CTIF: variants seen among roughly 807,000 people sequenced by gnomAD.
CTIF encodes the protein cap binding complex dependent translation initiation factor.
A neutral mutation model predicts 66.0 loss-of-function variants in CTIF; 21 were observed. The observed-to-expected ratio is 0.32, with a 90% CI of 0.23 to 0.46. The LOEUF is 0.46. CTIF is among the 20% of genes least tolerant of loss of function. The probability of loss-of-function intolerance (pLI) is 1.00; values close to 1 mark genes in which losing one functional copy is unlikely to be tolerated. For synonymous variants in CTIF, 345 were observed against 326.4 expected, an observed-to-expected ratio of 1.06 and a Z score of -0.62; for missense variants, 739 against 812.7, an observed-to-expected ratio of 0.91 and a Z score of 1.10.
chr18:48,633,624 C>A (rs911163567), intron 2 of CTIF, among the ~76,000 whole-genome samples: 7 of 151,960 alleles, frequency 4.6e-5, no homozygotes, highest in African/African-American at 1.7e-4. Flanking sequence ...ATCGCTTGAA[C>A]CTGGGAGGTG....
At chr18:48,680,400 T>C (rs1157129119) in intron 6 of CTIF, among the ~76,000 whole-genome samples, 2 of 152,348 alleles carry the variant, frequency 1.3e-5, no homozygotes, top group East Asian at 3.9e-4. Flanking sequence ...TTCCTCAAGG[T>C]CTCAGCTGGG....
At chr18:48,675,007 C>G (rs942477705) in intron 6 of CTIF, among the ~76,000 whole-genome samples, 3 of 131,842 alleles carry the variant, frequency 2.3e-5, no homozygotes, top group African/African-American at 8.6e-5. Context: ...CCAGTTGAGA[C>G]TGACATTGCT....
intron 1 of CTIF, among the ~76,000 whole-genome samples, chr18:48,545,881 C>T (rs1321759763): frequency 1.3e-5 from 2 of 151,892 alleles, no homozygotes; most frequent in Non-Finnish European, 2.9e-5. Context: ...GTCATGCCGG[C>T]CGCTGTCGTC....
intron 7 of CTIF, among the ~76,000 whole-genome samples, chr18:48,727,194 A>G (rs2092393969): frequency 1.3e-5 from 2 of 152,264 alleles, no homozygotes; most frequent in African/African-American, 4.8e-5. Flanking sequence ...GCACATAGAC[A>G]TTGTTGGTCC....
chr18:48,800,040 G>A (rs2068016951), intron 9 of CTIF, among the ~76,000 whole-genome samples: 2 of 152,242 alleles, frequency 1.3e-5, no homozygotes, highest in South Asian at 4.1e-4. Context: ...CAAGTAGACC[G>A]AGACTTGAAG....
At chr18:48,723,433 C>T (rs1401180376) in intron 7 of CTIF, among the ~76,000 whole-genome samples, 1 of 152,206 alleles carries the variant, frequency 6.6e-6, no homozygotes, top group African/African-American at 2.4e-5. Context: ...TGCACTAGGT[C>T]AGTCCTGCCC....
intron 1 of CTIF, chr18:48,540,404 AG>A (rs1206061769): frequency 1.3e-5 from 2 of 150,572 alleles, no homozygotes; most frequent in Admixed American, 1.3e-4. Flanking sequence ...GCTGCGGCGA[AG>A]GTCTGGGGCC....
At chr18:48,827,290 G>A (rs1044300083) in intron 10 of CTIF, among the ~76,000 whole-genome samples, 5 of 152,232 alleles carry the variant, frequency 3.3e-5, no homozygotes, top group Admixed American at 6.5e-5. Flanking sequence ...CACATTGCTT[G>A]CTAGAAATGT....
chr18:48,572,074 TTCC>T (rs148681063), intron 1 of CTIF, among the ~76,000 whole-genome samples: 107 of 151,192 alleles, frequency 7.1e-4, no homozygotes, highest in Admixed American at 2.4e-3. Context: ...CCCCTCACCG[TTCC>T]TCCTCCTCCT....
At chr18:48,663,129 G>T (rs563162115) in intron 3 of CTIF, among the ~76,000 whole-genome samples, 4 of 152,302 alleles carry the variant, frequency 2.6e-5, no homozygotes, top group African/African-American at 7.2e-5. Flanking sequence ...GGGTAAGAAG[G>T]GCTGGAGGGC....
intron 7 of CTIF, among the ~76,000 whole-genome samples, chr18:48,749,347 A>C (rs746687076): frequency 1.3e-5 from 2 of 152,194 alleles, no homozygotes; most frequent in Admixed American, 6.5e-5. Context: ...GGACCCCATC[A>C]CAGTATTTCC....
intron 9 of CTIF, among the ~76,000 whole-genome samples, chr18:48,815,085 A>G (rs1285006798): frequency 3.3e-5 from 5 of 152,226 alleles, no homozygotes; most frequent in Non-Finnish European, 5.9e-5. Flanking sequence ...TAAAAACACC[A>G]TAAGAGCTGC....
At chr18:48,758,478 G>A (rs975704818) in intron 8 of CTIF, 73 bp downstream of exon 8, 14 of 1,516,908 alleles carry the variant, frequency 9.2e-6, no homozygotes, top group Non-Finnish European at 9.7e-6. Flanking sequence ...TTGGTAGGTG[G>A]GCACAGTGCA....
chr18:48,680,254 A>G (rs1244751610), intron 6 of CTIF, among the ~76,000 whole-genome samples: 1 of 152,248 alleles, frequency 6.6e-6, no homozygotes, highest in East Asian at 1.9e-4. Context: ...TCCATGCCCT[A>G]CTTTGGGCCA....
intron 1 of CTIF, among the ~76,000 whole-genome samples, chr18:48,558,699 C>G (rs1051478474): frequency 1.3e-5 from 2 of 152,160 alleles, no homozygotes; most frequent in Non-Finnish European, 2.9e-5. Flanking sequence ...TCTTAAACAG[C>G]AACTTGTTAT....
chr18:48,697,226 G>A (rs1173293333), intron 6 of CTIF, among the ~76,000 whole-genome samples: 11 of 152,218 alleles, frequency 7.2e-5, no homozygotes, highest in Non-Finnish European at 1.5e-4. Context: ...GGTATCTAAG[G>A]CACTGTGCCA....
At chr18:48,663,277 G>C (rs559298958) in intron 3 of CTIF, among the ~76,000 whole-genome samples, 1 of 152,174 alleles carries the variant, frequency 6.6e-6, no homozygotes, top group African/African-American at 2.4e-5. Flanking sequence ...CTGGAGGATC[G>C]GCTCGACTCA....
intron 3 of CTIF, among the ~76,000 whole-genome samples, chr18:48,653,541 C>T (rs1205606314): frequency 6.6e-6 from 1 of 152,102 alleles, no homozygotes; most frequent in Non-Finnish European, 1.5e-5. Context: ...ATGAAAATAG[C>T]CATACTGCCC....
chr18:48,759,823 T>C (rs1478362893), intron 8 of CTIF, among the ~76,000 whole-genome samples: 1 of 152,126 alleles, frequency 6.6e-6, no homozygotes, highest in African/African-American at 2.4e-5. Context: ...AGAAGGTAGA[T>C]CTATAGCACC....
Sources: gnomAD v4.1 joint callset for allele counts (sites outside exome capture counted in the v4.1 genomes callset) on GRCh38, gnomAD v4.1.1 for gene constraint, MANE v1.5 for transcripts, NCBI Gene and HGNC (gene_info 2026-07-23, HGNC 2026-07-21) for gene names.